Variants in CDC42SE1 observed in about 807,000 individuals in gnomAD.
The protein encoded by CDC42SE1 is CDC42 small effector protein 1.
In CDC42SE1, 10 loss-of-function variants were observed where a neutral mutation model predicts 10.9. That is an observed-to-expected ratio of 0.92 (90% CI 0.57 to 1.56). The LOEUF is 1.56. Among genes scored for constraint, CDC42SE1 ranks in the 40% most tolerant of loss-of-function variants. CDC42SE1 has a pLI of 0.00. For synonymous variants in CDC42SE1, 24 were observed against 32.0 expected (o/e 0.75, Z 0.85); for missense variants, 81 against 100.8 (o/e 0.80, Z 0.84).
In CDC42SE1 at chr1:151,051,409, A is replaced by AAAG. The variant is rs1222559470; in HGVS notation, c.*1934_*1935insCTT. On this transcript the variant is annotated 3_prime_UTR_variant, in exon 5 of 5. Coordinates refer to ENST00000357235, the MANE Select transcript of CDC42SE1 (RefSeq NM_020239.4). Reference sequence around the variant, plus strand: ...TGGAAATTTGAAAAAAAAAAAAAAAAAAAAAAAAAAAGAACCTCAGTCACT... The same window carrying AAAG: ...TGGAAATTTGAAAAAAAAAAAAAAAAAAGAAAAAAAAAAAGAACCTCAGTCACT... 6.7e-6 allele frequency: 1 copy of AAAG among 149,212 alleles called. No individual in the cohort carries two copies. The highest frequency in any genetic ancestry group is 1.5e-5 in the Non-Finnish European group (1 of 67,208). The allele number at this position is 149,212 out of a possible 1,614,324, so 9.2% of individuals were successfully genotyped here. A position where few individuals can be genotyped will look rare whatever the true frequency, so the allele number is the denominator to read the frequency against.
At position 151,055,985 on chromosome 1, in the gene CDC42SE1, C is replaced by T. The variant is rs1676270482; in HGVS notation, c.-255G>A. ...GGCACAAGGTTATGTCTTCCTCAGA[C>T]TCGGAACCCTGGATTAGAAGAAAGT... On this transcript the variant is annotated 5_prime_UTR_variant, in exon 2 of 5. Coordinates refer to ENST00000357235, the MANE Select transcript of CDC42SE1 (RefSeq NM_020239.4). 5.5e-6 allele frequency: 3 copies of T among 545,638 alleles called. No individual in the cohort carries two copies. Among genetic ancestry groups the T allele is most frequent in the Non-Finnish European group, 9.9e-6 (3 of 303,798 alleles). 33.8% of individuals were successfully genotyped at this position (545,638 alleles called of 1,614,324 possible).
Position 151,051,380 on chromosome 1 carries a change from T to A in CDC42SE1, c.*1964A>T, listed in dbSNP as rs1063533. 1.2e-4 allele frequency: 2 copies of A among 16,414 alleles called. No homozygotes were observed. The highest frequency in any genetic ancestry group is 1.2e-4 in the Non-Finnish European group (1 of 8,372). 1.0% of individuals were successfully genotyped at this position (16,414 alleles called of 1,614,324 possible). ...TTAGACCCTGAAAAATGGCAGAAAA[T>A]ACATGGAAATTTGAAAAAAAAAAAA... On this transcript the variant is annotated 3_prime_UTR_variant, in exon 5 of 5. Coordinates refer to ENST00000357235, the MANE Select transcript of CDC42SE1 (RefSeq NM_020239.4).
rs587773456 is a variant in CDC42SE1 at position 151,057,259 on chromosome 1, C to T, written c.-263-1266G>A. ...GAGATAGGCCGGGCGTGGTGGCTCA[C>T]GCCTGTAATCCCAGCACTTTGGGAG... On this transcript the variant is annotated intron_variant, in intron 1 of 4. Transcript: ENST00000357235. This position sits in a 1 kb window ranked among gnomAD's most constrained non-coding sequence, Gnocchi z 4.0. Among the ~76,000 whole-genome samples, 7 of 152,226 alleles carry T rather than the reference C, an allele frequency of 4.6e-5. No homozygotes were observed. In the South Asian group the frequency reaches 6.2e-4, roughly 14 times the overall value.
Position 151,052,856 on chromosome 1 carries a change from G to C in CDC42SE1, c.*488C>G, listed in dbSNP as rs1396230238. On this transcript the variant is annotated 3_prime_UTR_variant, in exon 5 of 5. Coordinates refer to ENST00000357235, the MANE Select transcript of CDC42SE1 (RefSeq NM_020239.4). ...GGAGTAGGCACCCCCACCAGCCCCT[G>C]CTTGACATCTGCTTTAGTTCATTCC... The C allele has an allele frequency of 6.6e-6, 1 of 152,316 alleles. No homozygotes were observed. Among genetic ancestry groups the C allele is most frequent in the Admixed American group, 6.5e-5 (1 of 15,274 alleles). The allele number at this position is 152,316 out of a possible 1,614,324, so 9.4% of individuals were successfully genotyped here. A position where few individuals can be genotyped will look rare whatever the true frequency, so the allele number is the denominator to read the frequency against.
chr1:151,055,970 T>TA lies in CDC42SE1; in HGVS notation c.-241dup. The TA allele has an allele frequency of 1.8e-6, 1 of 565,898 alleles. No individual in the cohort carries two copies. 35.1% of individuals were successfully genotyped at this position (565,898 alleles called of 1,614,324 possible). A position where few individuals can be genotyped will look rare whatever the true frequency, so the allele number is the denominator to read the frequency against. On this transcript the variant is annotated 5_prime_UTR_variant, in exon 2 of 5. It removes the in-frame stop codon of an upstream open reading frame in the 5' UTR. Transcript: ENST00000357235. Reference sequence around the variant, plus strand: ...AGAGGTGGGCAGGCAGGCACAAGGTTATGTCTTCCTCAGACTCGGAACCCT... The same window carrying TA: ...AGAGGTGGGCAGGCAGGCACAAGGTTAATGTCTTCCTCAGACTCGGAACCCT...
At position 151,057,030 on chromosome 1, in the gene CDC42SE1, T is replaced by C. The variant is rs74776830; in HGVS notation, c.-263-1037A>G. Among the ~76,000 whole-genome samples, 120 of 152,254 alleles carry C rather than the reference T, an allele frequency of 7.9e-4. No individual in the cohort carries two copies. The highest frequency in any genetic ancestry group is 1.4e-3 in the Non-Finnish European group (93 of 68,026). Reference sequence around the variant, plus strand: ...GTGTCCAAGGAAGAACTTCCTCCCTTCTCACTACTGCCAGCCAGGGTAGGA... The same window carrying C: ...GTGTCCAAGGAAGAACTTCCTCCCTCCTCACTACTGCCAGCCAGGGTAGGA... On this transcript the variant is annotated intron_variant, in intron 1 of 4. Transcript: ENST00000357235. The surrounding 1 kb of genome is among the most constrained non-coding windows in gnomAD (Gnocchi z 4.0).
chr1:151,057,875 G>C lies in CDC42SE1; in HGVS notation c.-264+1604C>G, dbSNP rs1676315198. Reference sequence around the variant, plus strand: ...CACTGGAAGGGAGGAGTAACCAGAAGGAGCGGAAGCTAAAACACGCTGTCC... The same window carrying C: ...CACTGGAAGGGAGGAGTAACCAGAACGAGCGGAAGCTAAAACACGCTGTCC... On this transcript the variant is annotated intron_variant, in intron 1 of 4. Coordinates refer to ENST00000357235, the MANE Select transcript of CDC42SE1 (RefSeq NM_020239.4). The surrounding 1 kb of genome is among the most constrained non-coding windows in gnomAD (Gnocchi z 4.0). 1 of 152,362 alleles carries C rather than the reference G, an allele frequency of 6.6e-6. No individual in the cohort carries two copies. Among genetic ancestry groups the C allele is most frequent in the Non-Finnish European group, 1.5e-5 (1 of 68,152 alleles). The allele number at this position is 152,362 out of a possible 1,614,324, so 9.4% of individuals were successfully genotyped here.
At chr1:151,055,565 G>T in intron 2 of CDC42SE1, 112 bp downstream of exon 2, 1 of 854,966 alleles carries the variant, frequency 1.2e-6, no homozygotes, top group Non-Finnish European at 2.0e-6. Flanking sequence ...CTGACACAGA[G>T]GGAGGCAAGA....
At position 151,051,434 on chromosome 1, in the gene CDC42SE1, T is replaced by C. The variant is rs587727662; in HGVS notation, c.*1910A>G. 1 of 125,016 alleles carries C rather than the reference T, an allele frequency of 8.0e-6. No individual in the cohort carries two copies. Among genetic ancestry groups the C allele is most frequent in the East Asian group, 2.7e-4 (1 of 3,744 alleles). 7.7% of individuals were successfully genotyped at this position (125,016 alleles called of 1,614,324 possible). A position where few individuals can be genotyped will look rare whatever the true frequency, so the allele number is the denominator to read the frequency against. ...AAAAAAAAAAAAGAACCTCAGTCAC[T>C]GTTCTGTAGGGATAAGCAAACTGAA... On this transcript the variant is annotated 3_prime_UTR_variant, in exon 5 of 5. Coordinates refer to ENST00000357235, the MANE Select transcript of CDC42SE1 (RefSeq NM_020239.4).
At chr1:151,056,170 C>G (rs1273062569) in intron 1 of CDC42SE1, among the ~76,000 whole-genome samples, 177 bp from the exon 2 acceptor site, 1 of 152,074 alleles carries the variant, frequency 6.6e-6, no homozygotes, top group Non-Finnish European at 1.5e-5. Context: ...AAAAAAGGAA[C>G]AGAACCAAAA....
At chr1:151,054,852 TA>T (rs1329455596) in intron 3 of CDC42SE1, among the ~76,000 whole-genome samples, 163 bp downstream of exon 3, 1 of 152,098 alleles carries the variant, frequency 6.6e-6, no homozygotes, top group Non-Finnish European at 1.5e-5. Context: ...CCCAGACACC[TA>T]AAATGCCAGG....
At chr1:151,056,459 G>C (rs1483818159) in intron 1 of CDC42SE1, among the ~76,000 whole-genome samples, 2 of 152,178 alleles carry the variant, frequency 1.3e-5, no homozygotes, top group African/African-American at 4.8e-5. Flanking sequence ...TGAACGCCTA[G>C]AGTTTCTTTA....
At chr1:151,059,175 A>T (rs1235084320) in intron 1 of CDC42SE1, 1 of 152,296 alleles carries the variant, frequency 6.6e-6, no homozygotes, top group Non-Finnish European at 1.5e-5. Context: ...CTCTACCTAG[A>T]AGTTCTCTGC....
intron 1 of CDC42SE1, chr1:151,058,979 T>C (rs1676342992): frequency 6.6e-6 from 1 of 152,128 alleles, no homozygotes; most frequent in Admixed American, 6.5e-5. Context: ...GGAGGGCTGC[T>C]GAGGGACTCT....
At chr1:151,055,455 A>T (rs1480851649) in intron 2 of CDC42SE1, 2 of 606,322 alleles carry the variant, frequency 3.3e-6, no homozygotes, top group Non-Finnish European at 5.9e-6. Context: ...CACCCAGCTC[A>T]GAATGGACAG....
At chr1:151,054,385 T>TTG in intron 3 of CDC42SE1, 64 bp from the exon 4 acceptor site, 1 of 1,315,906 alleles carries the variant, frequency 7.6e-7, no homozygotes, top group South Asian at 1.2e-5. Flanking sequence ...GAACTCTACT[T>TTG]TGTGCCTTCC....
intron 2 of CDC42SE1, chr1:151,055,391 T>A: frequency 1.7e-6 from 1 of 596,976 alleles, no homozygotes; most frequent in Non-Finnish European, 3.0e-6. Flanking sequence ...CACCTCTGAC[T>A]GATGATGAAA....
At chr1:151,054,501 T>G (rs1676243682) in intron 3 of CDC42SE1, among the ~76,000 whole-genome samples, 180 bp from the exon 4 acceptor site, 1 of 152,208 alleles carries the variant, frequency 6.6e-6, no homozygotes, top group South Asian at 2.1e-4. Flanking sequence ...TTCATGAGGA[T>G]GAGGTAAAAT....
At chr1:151,055,199 T>A in intron 2 of CDC42SE1, 73 bp from the exon 3 acceptor site, 1 of 1,122,778 alleles carries the variant, frequency 8.9e-7, no homozygotes, top group Non-Finnish European at 1.4e-6. Context: ...GAAAAGAGTC[T>A]TCAAAACCAC....
Sources: gnomAD v4.1 joint callset for allele counts (sites outside exome capture counted in the v4.1 genomes callset) on GRCh38, gnomAD v4.1.1 for gene constraint, Gnocchi (gnomAD v3.1) non-coding constraint, MANE v1.5 for transcripts, NCBI Gene and HGNC (gene_info 2026-07-23, HGNC 2026-07-21) for gene names.